SEMA6D: variants seen among roughly 807,000 people sequenced by gnomAD.
SEMA6D encodes the protein semaphorin-6D.
A neutral mutation model predicts 106.6 loss-of-function variants in SEMA6D; 35 were observed. The ratio of observed to expected loss-of-function variants is 0.33; its 90% CI spans 0.25 to 0.44. SEMA6D has a LOEUF of 0.44. Among genes scored for constraint, SEMA6D ranks in the 20% least tolerant of loss-of-function variants. The pLI is 1.00. For missense variants in SEMA6D, 1,185 were observed against 1,345.9 expected, an observed-to-expected ratio of 0.88 and a Z score of 1.87; for synonymous variants, 499 against 487.7, an observed-to-expected ratio of 1.02 and a Z score of -0.31.
chr15:47,730,039 T>C, intron 1 of SEMA6D: 1 of 613,262 alleles, frequency 1.6e-6, no homozygotes, highest in Non-Finnish European at 2.8e-6. Context: ...CTTAATGCTA[T>C]GTTTATCTTC....
chr15:47,556,615 A>G (rs532019571), intron 3 of SEMA6D, among the ~76,000 whole-genome samples: 1 of 152,118 alleles, frequency 6.6e-6, no homozygotes, highest in South Asian at 2.1e-4. Context: ...GGGTCATGCT[A>G]CAGAAGTGTG....
At chr15:47,563,460 C>G (rs1566892959) in intron 3 of SEMA6D, among the ~76,000 whole-genome samples, 3 of 152,132 alleles carry the variant, frequency 2.0e-5, no homozygotes, top group Non-Finnish European at 4.4e-5. Context: ...TATGGCTCCT[C>G]TACAAGGAAC....
chr15:47,745,335 C>T (rs535283122), intron 1 of SEMA6D, among the ~76,000 whole-genome samples: 26 of 152,314 alleles, frequency 1.7e-4, no homozygotes, highest in Non-Finnish European at 3.2e-4. Context: ...CCCCAACATA[C>T]AGGGTAATGG....
chr15:47,319,394 G>A (rs946279714), intron 1 of SEMA6D, among the ~76,000 whole-genome samples: 1 of 152,156 alleles, frequency 6.6e-6, no homozygotes, highest in Non-Finnish European at 1.5e-5. Context: ...TTTGGACTTG[G>A]TAAATGGACA....
At chr15:47,410,923 G>A (rs986126729) in intron 1 of SEMA6D, among the ~76,000 whole-genome samples, 1 of 151,968 alleles carries the variant, frequency 6.6e-6, no homozygotes, top group Admixed American at 6.6e-5. Flanking sequence ...CATAATACAG[G>A]TATGGAAAAC....
intron 3 of SEMA6D, among the ~76,000 whole-genome samples, chr15:47,496,227 T>G (rs2043652565): frequency 6.6e-6 from 1 of 152,126 alleles, no homozygotes; most frequent in African/African-American, 2.4e-5. Flanking sequence ...TTTCCATGAC[T>G]TCCGTTATTA....
intron 1 of SEMA6D, among the ~76,000 whole-genome samples, chr15:47,305,013 A>T (rs2036180056): frequency 6.6e-6 from 1 of 152,248 alleles, no homozygotes; most frequent in African/African-American, 2.4e-5. Context: ...GAGTGTTGTT[A>T]TATTAGCACC....
At chr15:47,502,505 C>T (rs188593323) in intron 3 of SEMA6D, among the ~76,000 whole-genome samples, 1 of 152,158 alleles carries the variant, frequency 6.6e-6, no homozygotes, top group Non-Finnish European at 1.5e-5. Flanking sequence ...ATGTTACGCT[C>T]CCACCTCCGG....
intron 1 of SEMA6D, among the ~76,000 whole-genome samples, chr15:47,229,402 G>A (rs1029387406): frequency 6.6e-6 from 1 of 151,890 alleles, no homozygotes. Flanking sequence ...AAAAAATGGG[G>A]GATGCAGTTT....
intron 4 of SEMA6D, among the ~76,000 whole-genome samples, chr15:47,705,076 G>A (rs1345435142): frequency 2.6e-5 from 4 of 152,144 alleles, no homozygotes; most frequent in East Asian, 3.9e-4. Flanking sequence ...CTAAGCACTC[G>A]GGATAAATAT....
At chr15:47,572,798 C>T (rs1188598265) in intron 3 of SEMA6D, among the ~76,000 whole-genome samples, 4 of 151,996 alleles carry the variant, frequency 2.6e-5, no homozygotes, top group African/African-American at 9.7e-5. Flanking sequence ...AATATTTATT[C>T]AAGCAAATAA....
At chr15:47,349,113 T>G (rs1488681233) in intron 1 of SEMA6D, among the ~76,000 whole-genome samples, 1 of 66,418 alleles carries the variant, frequency 1.5e-5, no homozygotes, top group Non-Finnish European at 2.6e-5. Context: ...GAGGCTTACC[T>G]TTTTTTTTTT....
chr15:47,503,978 A>G (rs369122823), intron 3 of SEMA6D, among the ~76,000 whole-genome samples: 7 of 152,176 alleles, frequency 4.6e-5, no homozygotes, highest in South Asian at 2.1e-4. Flanking sequence ...AGCTCCAGTC[A>G]CCTCCTGGTA....
At chr15:47,630,884 T>C (rs1194349547) in intron 4 of SEMA6D, among the ~76,000 whole-genome samples, 1 of 151,948 alleles carries the variant, frequency 6.6e-6, no homozygotes. Context: ...AGTCTGTTGG[T>C]TTAGAGTATT....
At chr15:47,469,186 T>C (rs2042754277) in intron 2 of SEMA6D, among the ~76,000 whole-genome samples, 1 of 152,172 alleles carries the variant, frequency 6.6e-6, no homozygotes. Flanking sequence ...GCAAATCAAC[T>C]TTTAATTGAA....
chr15:47,296,222 G>T (rs2035796694), intron 1 of SEMA6D, among the ~76,000 whole-genome samples: 1 of 152,172 alleles, frequency 6.6e-6, no homozygotes, highest in African/African-American at 2.4e-5. Flanking sequence ...GGTCACAACA[G>T]CTACAGACAG....
intron 4 of SEMA6D, among the ~76,000 whole-genome samples, chr15:47,630,598 C>A (rs150488590): frequency 2.2e-3 from 338 of 151,640 alleles, no homozygotes; most frequent in African/African-American, 8.0e-3. Context: ...CTTCTTCTTG[C>A]CTTATTGAAG....
intron 3 of SEMA6D, among the ~76,000 whole-genome samples, chr15:47,518,559 T>C (rs971443144): frequency 2.0e-5 from 3 of 152,218 alleles, no homozygotes; most frequent in Admixed American, 2.0e-4. Flanking sequence ...GTACCGAATA[T>C]TGCAGGCAGT....
chr15:47,695,854 C>T (rs1400037237), intron 4 of SEMA6D, among the ~76,000 whole-genome samples: 1 of 152,120 alleles, frequency 6.6e-6, no homozygotes, highest in Non-Finnish European at 1.5e-5. Context: ...ACCAAGCTGA[C>T]ATTTTTGTAA....
Sources: allele counts gnomAD v4.1 joint callset (sites outside exome capture counted in the v4.1 genomes callset), GRCh38; gene constraint gnomAD v4.1.1; transcripts MANE v1.5; gene names NCBI Gene and HGNC (gene_info 2026-07-23, HGNC 2026-07-21).